The following HAUS2 variants were observed in gnomAD, a reference collection of about 807,000 sequenced individuals.
HAUS2 encodes the protein HAUS augmin like complex subunit 2.
A neutral mutation model predicts 21.6 loss-of-function variants in HAUS2; 20 were observed. The observed-to-expected ratio is 0.93, with a 90% CI of 0.65 to 1.35. The LOEUF (loss-of-function observed/expected upper bound fraction) is 1.35, where lower values mean the gene tolerates loss of function less well. Ranked by LOEUF, HAUS2 falls within the 40% of genes most tolerant of loss-of-function variation. The probability of loss-of-function intolerance (pLI) is 0.00; values close to 1 mark genes in which losing one functional copy is unlikely to be tolerated. For missense variants in HAUS2, 297 were observed against 280.7 expected, an observed-to-expected ratio of 1.06 and a Z score of -0.42; for synonymous variants, 113 against 95.6, an observed-to-expected ratio of 1.18 and a Z score of -1.06.
intron 4 of HAUS2, among the ~76,000 whole-genome samples, 171 bp from the exon 5 acceptor site, chr15:42,563,578 A>T: frequency 6.6e-6 from 1 of 152,160 alleles, no homozygotes. Context: ...GTGAAAGAGA[A>T]GGACCTTTTT....
intron 1 of HAUS2, among the ~76,000 whole-genome samples, chr15:42,549,765 CAAAAAAA>C (rs58614126): frequency 0.1 from 5,888 of 58,248 alleles, 400 homozygotes; most frequent in African/African-American, 0.29. Context: ...TCTTTAAAGG[CAAAAAAA>C]AAAAAAAAAA....
In HAUS2 at chr15:42,558,223, C is replaced by A; in HGVS notation, c.119C>A (p.Thr40Lys). 1 of 1,474,388 alleles carries A rather than the reference C, an allele frequency of 6.8e-7. No individual in the cohort carries two copies. The highest frequency in any genetic ancestry group is 9.4e-7 in the Non-Finnish European group (1 of 1,061,466). The allele number at this position is 1,474,388 out of a possible 1,614,324, so 91.3% of individuals were successfully genotyped here. Residue 40 changes from threonine (T) to lysine (K), a missense_variant, in exon 2 of 6, where the codon ACA (threonine) becomes AAA (lysine). Thr to Lys is a moderately conservative substitution (Grantham distance 78, BLOSUM62 -1). Transcript: ENST00000260372. Reference protein sequence around the residue: ...NQEMLNMSKKTVSCFVNFTRL... With the variant: ...NQEMLNMSKKKVSCFVNFTRL... ...GAGATGTTAAACATGTCTAAGAAAA[C>A]AGTTTCTTGTTTTGTGAACTTCACC...
intron 3 of HAUS2, 129 bp downstream of exon 3, chr15:42,559,537 A>G (rs1387753807): frequency 3.2e-6 from 2 of 634,848 alleles, no homozygotes; most frequent in Non-Finnish European, 5.7e-6. Flanking sequence ...AGCTAATGAA[A>G]TCTTGTATTT....
intron 1 of HAUS2, among the ~76,000 whole-genome samples, chr15:42,555,826 T>C (rs1053847552): frequency 2.6e-5 from 4 of 152,182 alleles, no homozygotes; most frequent in African/African-American, 9.6e-5. Context: ...GTGGGCCATA[T>C]GGTTGCAGCT....
chr15:42,556,850 CAAAA>C (rs556250001), intron 1 of HAUS2, among the ~76,000 whole-genome samples: 18 of 108,368 alleles, frequency 1.7e-4, no homozygotes, highest in Non-Finnish European at 1.9e-4. Context: ...ACTAAAAATA[CAAAA>C]AAAAAAAAAA....
chr15:42,559,713 A>G (rs1396059161), intron 3 of HAUS2, among the ~76,000 whole-genome samples: 2 of 152,136 alleles, frequency 1.3e-5, no homozygotes, highest in Admixed American at 1.3e-4. Flanking sequence ...ATGATCATGG[A>G]TCGATTTTTT....
chr15:42,563,617 G>C lies in HAUS2; in HGVS notation c.390-132G>C, dbSNP rs988055602. 1.4e-5 allele frequency: 9 copies of C among 639,744 alleles called. No individual in the cohort carries two copies. In the African/African-American group the frequency reaches 1.7e-4, roughly 12 times the overall value. 39.6% of individuals were successfully genotyped at this position (639,744 alleles called of 1,614,324 possible). A position where few individuals can be genotyped will look rare whatever the true frequency, so the allele number is the denominator to read the frequency against. ...ATCACTAATATTTCTATGAATGCAG[G>C]AAGGTTGTTATTGGCTCTCTAGGTT... On this transcript the variant is annotated intron_variant, in intron 4 of 5. Coordinates refer to ENST00000260372, the MANE Select transcript of HAUS2 (RefSeq NM_018097.3).
At chr15:42,551,290 T>G (rs914555081) in intron 1 of HAUS2, among the ~76,000 whole-genome samples, 2 of 151,992 alleles carry the variant, frequency 1.3e-5, no homozygotes, top group African/African-American at 4.8e-5. Flanking sequence ...TCTTATCAGG[T>G]TACCTAGTAC....
intron 1 of HAUS2, among the ~76,000 whole-genome samples, chr15:42,556,318 G>T (rs1368716949): frequency 3.8e-5 from 5 of 133,210 alleles, no homozygotes; most frequent in Non-Finnish European, 6.2e-5. Context: ...CCAGACTAGA[G>T]TGCAGTGGCA....
chr15:42,549,778 A>T (rs868235558), intron 1 of HAUS2, among the ~76,000 whole-genome samples: 5 of 151,000 alleles, frequency 3.3e-5, no homozygotes, highest in African/African-American at 7.3e-5. Flanking sequence ...AAAAAAAAAA[A>T]AAAAAAAAAA....
intron 3 of HAUS2, among the ~76,000 whole-genome samples, 158 bp downstream of exon 3, chr15:42,559,566 T>C (rs1205977438): frequency 6.6e-6 from 1 of 152,152 alleles, no homozygotes; most frequent in Admixed American, 6.5e-5. Flanking sequence ...AAATAGAAGT[T>C]CTGTTGGCTT....
At position 42,566,765 on chromosome 15, in the gene HAUS2, T is replaced by C. The variant is rs756077343; in HGVS notation, c.657T>C (p.Pro219=). 3 of 1,558,066 alleles carry C rather than the reference T, an allele frequency of 1.9e-6. No individual in the cohort carries two copies. The highest frequency in any genetic ancestry group is 2.7e-6 in the Non-Finnish European group (3 of 1,129,148). ...SYLYKHDIIM[P]PLPFTSKVHV... ...TTTATAAACATGATATTATAATGCC[T>C]CCTTTACCTTTTACTTCTAAAGTTC... The change falls in exon 6 of 6, where the codon CCT becomes CCC. Residue 219 remains proline (P), a synonymous_variant. Transcript: ENST00000260372.
chr15:42,567,020 C>A lies in HAUS2; in HGVS notation c.*204C>A. ...ATTTTTATTCTACCTTTCAGTAAAA[C>A]TAGAGAAGCTAAAAAATAGCCATGA... is the stretch of plus-strand genomic sequence containing the variant. On this transcript the variant is annotated 3_prime_UTR_variant, in exon 6 of 6. Coordinates refer to ENST00000260372, the MANE Select transcript of HAUS2 (RefSeq NM_018097.3). The A allele has an allele frequency of 4.9e-6, 2 of 410,302 alleles. No homozygotes were observed. The highest frequency in any genetic ancestry group is 4.4e-5 in the East Asian group (1 of 22,984). The allele number at this position is 410,302 out of a possible 1,614,324, so 25.4% of individuals were successfully genotyped here.
intron 3 of HAUS2, among the ~76,000 whole-genome samples, chr15:42,560,386 TAGAGAGAGAGAGAGAG>T (rs146328893): frequency 6.9e-6 from 1 of 145,292 alleles, no homozygotes; most frequent in African/African-American, 2.5e-5. Flanking sequence ...CAGCAAAAAT[TAGAGAGAGAGAGAGAG>T]AGAGAGAGAA....
rs149163461 is a variant in HAUS2, at chr15:42,569,902, T to C, written c.*3086T>C. 7 of 152,374 alleles carry C rather than the reference T, an allele frequency of 4.6e-5. No individual in the cohort carries two copies. The East Asian group carries it at 1.3e-3, about 29-fold the overall frequency. The allele number at this position is 152,374 out of a possible 1,614,324, so 9.4% of individuals were successfully genotyped here. ...ATATTCATTTTTGTGTGTATGTGTA[T>C]GTCACAAATATTGATATGCCTGGTT... is the stretch of plus-strand genomic sequence containing the variant. On this transcript the variant is annotated 3_prime_UTR_variant, in exon 6 of 6. Coordinates refer to ENST00000260372, the MANE Select transcript of HAUS2 (RefSeq NM_018097.3).
At chr15:42,550,997 CTTTT>C (rs56371573) in intron 1 of HAUS2, among the ~76,000 whole-genome samples, 9 of 132,802 alleles carry the variant, frequency 6.8e-5, no homozygotes, top group Non-Finnish European at 1.1e-4. Flanking sequence ...CTTTTCTTTT[CTTTT>C]TTTTTTTTTT....
intron 4 of HAUS2, among the ~76,000 whole-genome samples, chr15:42,563,146 G>A (rs1389775067): frequency 6.6e-6 from 1 of 150,662 alleles, no homozygotes; most frequent in Non-Finnish European, 1.5e-5. Context: ...GCTGGGCAAG[G>A]TGGCTCATGC....
chr15:42,557,784 A>T (rs567414509), intron 1 of HAUS2, among the ~76,000 whole-genome samples: 1 of 125,720 alleles, frequency 8.0e-6, no homozygotes, highest in African/African-American at 3.0e-5. Context: ...AACGAATCAG[A>T]TAAATAATTC....
In HAUS2 at chr15:42,568,449, A is replaced by G. The variant is rs558131363; in HGVS notation, c.*1633A>G. On this transcript the variant is annotated 3_prime_UTR_variant, in exon 6 of 6. Transcript: ENST00000260372. Reference sequence around the variant, plus strand: ...ACTCCCAAGATAGCAGCACTAATTCATTAATGAGGGCAAAGCCCTCCTTAC... The same window carrying G: ...ACTCCCAAGATAGCAGCACTAATTCGTTAATGAGGGCAAAGCCCTCCTTAC... 4 of 152,378 alleles carry G rather than the reference A, an allele frequency of 2.6e-5. No homozygotes were observed. In the East Asian group the frequency reaches 7.7e-4, roughly 29 times the overall value. The allele number at this position is 152,378 out of a possible 1,614,324, so 9.4% of individuals were successfully genotyped here.
Sources: allele counts gnomAD v4.1 joint callset (sites outside exome capture counted in the v4.1 genomes callset), GRCh38; gene constraint gnomAD v4.1.1; transcripts MANE v1.5; gene names NCBI Gene and HGNC (gene_info 2026-07-23, HGNC 2026-07-21).